Variants in KCNU1 observed in about 807,000 individuals in gnomAD.
KCNU1 encodes the protein potassium calcium-activated channel subfamily U member 1.
In KCNU1, 93 loss-of-function variants were observed where a neutral mutation model predicts 126.8. That is an observed-to-expected ratio of 0.73 (90% CI 0.62 to 0.87). KCNU1 has a LOEUF of 0.87. Ranked by LOEUF, KCNU1 falls within the 40% of genes least tolerant of loss-of-function variation. The probability of loss-of-function intolerance (pLI) is 0.00; values close to 1 mark genes in which losing one functional copy is unlikely to be tolerated. For synonymous variants in KCNU1, 523 were observed against 494.2 expected, an observed-to-expected ratio of 1.06 and a Z score of -0.77; for missense variants, 1,330 against 1,367.1, an observed-to-expected ratio of 0.97 and a Z score of 0.43.
chr8:36,836,392 T>A (rs747665986), intron 13 of KCNU1, 27 bp downstream of exon 13: 7 of 1,427,208 alleles, frequency 4.9e-6, no homozygotes, highest in African/African-American at 1.4e-5. Flanking sequence ...GCATATTCCA[T>A]CTCCTCCTTT....
At chr8:36,916,316 GAAGGGAAGGA>G (rs1465438745) in intron 22 of KCNU1, among the ~76,000 whole-genome samples, 2 of 147,942 alleles carry the variant, frequency 1.4e-5, no homozygotes, top group African/African-American at 5.0e-5. Flanking sequence ...AGGGGTGAGG[GAAGGGAAGGA>G]AAGGGAAGGG....
chr8:36,855,812 G>T (rs1424227006), intron 18 of KCNU1, among the ~76,000 whole-genome samples: 2 of 151,836 alleles, frequency 1.3e-5, no homozygotes, highest in Non-Finnish European at 2.9e-5. Context: ...TAGTTTTCCT[G>T]GGTATAAAAT....
At chr8:36,827,389 T>G (rs1563279800) in intron 10 of KCNU1, among the ~76,000 whole-genome samples, 2 of 152,214 alleles carry the variant, frequency 1.3e-5, no homozygotes, top group Admixed American at 6.5e-5. Context: ...GAACTGCACT[T>G]TTTTGTCCTT....
intron 16 of KCNU1, among the ~76,000 whole-genome samples, chr8:36,844,736 G>A (rs916285527): frequency 5.9e-5 from 9 of 152,152 alleles, no homozygotes; most frequent in Admixed American, 1.3e-4. Flanking sequence ...ATCTCATTTC[G>A]ATGTGAATAC....
chr8:36,785,562 G>A (rs1399368303), intron 1 of KCNU1, among the ~76,000 whole-genome samples: 2 of 152,106 alleles, frequency 1.3e-5, no homozygotes, highest in African/African-American at 4.8e-5. Flanking sequence ...ATCCAATACT[G>A]AAGCTTATAG....
At chr8:36,923,542 T>C (rs1026901884) in intron 24 of KCNU1, among the ~76,000 whole-genome samples, 1 of 152,080 alleles carries the variant, frequency 6.6e-6, no homozygotes, top group Non-Finnish European at 1.5e-5. Context: ...TAGAAATAGA[T>C]AATTGGTGCT....
intron 22 of KCNU1, among the ~76,000 whole-genome samples, chr8:36,913,465 G>A (rs111983571): frequency 0.021 from 3,214 of 152,282 alleles, 122 homozygotes; most frequent in African/African-American, 0.073. Context: ...AGAAGAATGT[G>A]CTAAGTTGGG....
intron 22 of KCNU1, among the ~76,000 whole-genome samples, chr8:36,916,521 G>A (rs571583375): frequency 1.3e-5 from 2 of 152,100 alleles, no homozygotes; most frequent in Admixed American, 1.3e-4. Context: ...AACAGATAAG[G>A]CATCTTAATC....
intron 24 of KCNU1, among the ~76,000 whole-genome samples, chr8:36,925,050 C>T (rs928070830): frequency 1.3e-5 from 2 of 152,142 alleles, no homozygotes; most frequent in Admixed American, 6.6e-5. Context: ...CCACTCAGCA[C>T]CTGATCATGA....
intron 19 of KCNU1, among the ~76,000 whole-genome samples, chr8:36,877,971 T>A (rs1437757276): frequency 2.0e-5 from 3 of 152,180 alleles, no homozygotes; most frequent in Admixed American, 1.3e-4. Flanking sequence ...TGTCTTCCCA[T>A]CTTTGCCTAA....
rs1803880541 is a variant in KCNU1, at chr8:36,815,623, A to G, written c.931A>G (p.Met311Val). The G allele has an allele frequency of 6.3e-7, 1 of 1,593,696 alleles. No homozygotes were observed. Among genetic ancestry groups the G allele is most frequent in the Non-Finnish European group, 8.6e-7 (1 of 1,168,362 alleles). ...ATTATTTGCGAACTATATACCTGAA[A>G]TGGTGGAACTGTTTGCTAACAAGAG... Reference protein sequence around the residue: ...LILFANYIPEMVELFANKRKY... With the variant: ...LILFANYIPEVVELFANKRKY... Residue 311 changes from methionine to valine, a missense_variant, in exon 9 of 27, where the codon ATG (methionine) becomes GTG (valine). Met to Val is a conservative substitution (Grantham distance 21, BLOSUM62 1). Transcript: ENST00000399881.
intron 20 of KCNU1, among the ~76,000 whole-genome samples, chr8:36,907,932 G>A (rs1293035551): frequency 6.6e-6 from 1 of 152,040 alleles, no homozygotes; most frequent in Non-Finnish European, 1.5e-5. Flanking sequence ...AGTGAGTTAA[G>A]AAATAAACAT....
At chr8:36,823,018 A>T (rs183599733) in intron 10 of KCNU1, among the ~76,000 whole-genome samples, 22 of 152,332 alleles carry the variant, frequency 1.4e-4, no homozygotes, top group Admixed American at 4.6e-4. Flanking sequence ...ATGTACTTGA[A>T]ATGTGAAAAT....
intron 19 of KCNU1, among the ~76,000 whole-genome samples, chr8:36,879,564 G>T (rs1806400543): frequency 6.6e-6 from 1 of 152,076 alleles, no homozygotes; most frequent in Non-Finnish European, 1.5e-5. Flanking sequence ...GGATGGGTCA[G>T]GTATTGTGCT....
At chr8:36,888,109 A>G (rs188461289) in intron 19 of KCNU1, among the ~76,000 whole-genome samples, 1 of 152,178 alleles carries the variant, frequency 6.6e-6, no homozygotes, top group Admixed American at 6.6e-5. Context: ...TTTATAGAGG[A>G]GAAAAACCAA....
At chr8:36,921,435 T>G (rs1755361114) in intron 23 of KCNU1, among the ~76,000 whole-genome samples, 1 of 151,868 alleles carries the variant, frequency 6.6e-6, no homozygotes, top group Non-Finnish European at 1.5e-5. Context: ...GAAACAAACT[T>G]TGGGAGGCTG....
At chr8:36,831,929 T>C (rs1804565220) in intron 10 of KCNU1, among the ~76,000 whole-genome samples, 1 of 152,210 alleles carries the variant, frequency 6.6e-6, no homozygotes. Context: ...CTTGAATTGA[T>C]TTTTTGTATA....
intron 22 of KCNU1, among the ~76,000 whole-genome samples, chr8:36,917,406 A>G (rs1376760363): frequency 6.6e-6 from 1 of 150,884 alleles, no homozygotes; most frequent in Non-Finnish European, 1.5e-5. Context: ...TTGGAGTGCA[A>G]TAGCGTGATG....
chr8:36,918,940 G>T (rs1216226431), intron 23 of KCNU1, 43 bp downstream of exon 23: 7 of 1,220,690 alleles, frequency 5.7e-6, no homozygotes, highest in African/African-American at 1.5e-5. Context: ...AGAAATTTTT[G>T]TGATATATAA....
Sources: gnomAD v4.1 joint callset for allele counts (sites outside exome capture counted in the v4.1 genomes callset) on GRCh38, gnomAD v4.1.1 for gene constraint, MANE v1.5 for transcripts, NCBI Gene and HGNC (gene_info 2026-07-23, HGNC 2026-07-21) for gene names.